Variants in MED28 observed in about 807,000 individuals in gnomAD.
MED28 encodes mediator complex subunit 28.
In MED28, 26 loss-of-function variants were observed where a neutral mutation model predicts 21.3. That is an observed-to-expected ratio of 1.22 (90% CI 0.89 to 1.69). The LOEUF (loss-of-function observed/expected upper bound fraction) is 1.69, where lower values mean the gene tolerates loss of function less well. MED28 is among the 40% of genes most tolerant of loss of function. The probability of loss-of-function intolerance (pLI) is 0.00; values close to 1 mark genes in which losing one functional copy is unlikely to be tolerated. For synonymous variants in MED28, 110 were observed against 87.6 expected (o/e 1.26, Z -1.43); for missense variants, 257 against 215.4 (o/e 1.19, Z -1.21).
At chr4:17,615,147 C>A (rs980834959) in intron 1 of MED28, among the ~76,000 whole-genome samples, 1 of 152,218 alleles carries the variant, frequency 6.6e-6, no homozygotes, top group Non-Finnish European at 1.5e-5. Flanking sequence ...AGGCTCAAGC[C>A]TTTTCGGAGC....
At position 17,633,956 on chromosome 4, in the gene MED28, G is replaced by A; in HGVS notation, c.*10158G>A. The A allele has an allele frequency of 8.3e-7, 1 of 1,210,168 alleles. No homozygotes were observed. Among genetic ancestry groups the A allele is most frequent in the Non-Finnish European group, 1.1e-6 (1 of 917,174 alleles). The allele number at this position is 1,210,168 out of a possible 1,614,324, so 75.0% of individuals were successfully genotyped here. ...AACAAAATAAAGCATTATTGTAAAA[G>A]CAAATAATGCTCACCCAATCAAAAT... On this transcript the variant is annotated 3_prime_UTR_variant, in exon 4 of 4. Transcript: ENST00000237380.
rs913286357 is a variant in MED28 at position 17,625,258 on chromosome 4, A to C, written c.*1460A>C. 1 of 156,118 alleles carries C rather than the reference A, an allele frequency of 6.4e-6. No homozygotes were observed. The highest frequency in any genetic ancestry group is 2.4e-5 in the African/African-American group (1 of 41,464). The allele number at this position is 156,118 out of a possible 1,614,324, so 9.7% of individuals were successfully genotyped here. ...CATTATTCTCCTTAAATATATAAGG[A>C]CCATATAATCTGTATCTTTTTGGTG... On this transcript the variant is annotated 3_prime_UTR_variant, in exon 4 of 4. Transcript: ENST00000237380.
intron 1 of MED28, among the ~76,000 whole-genome samples, chr4:17,619,510 T>TTTAGAA (rs1714555670): frequency 6.6e-6 from 1 of 152,130 alleles, no homozygotes; most frequent in Admixed American, 6.5e-5. Context: ...TTAGAAAGGG[T>TTTAGAA]AGACCGGCTG....
intron 3 of MED28, among the ~76,000 whole-genome samples, chr4:17,622,511 A>ATTT (rs1714665968): frequency 6.6e-6 from 1 of 152,222 alleles, no homozygotes; most frequent in Admixed American, 6.5e-5. Flanking sequence ...GCTGTTCTTA[A>ATTT]AAAGCTCTTG....
intron 1 of MED28, 32 bp downstream of exon 1, chr4:17,614,845 G>A: frequency 6.4e-7 from 1 of 1,558,032 alleles, no homozygotes; most frequent in Middle Eastern, 1.7e-4. Context: ...TTTGTCCCTA[G>A]CCTTCCCTTT....
In MED28 at chr4:17,633,378, T is replaced by G; in HGVS notation, c.*9580T>G. Reference sequence around the variant, plus strand: ...TTAGTCTCACGTCAGTCTGATGAGATAGGTGCTGTATTATCTTAATTTTAA... The same window carrying G: ...TTAGTCTCACGTCAGTCTGATGAGAGAGGTGCTGTATTATCTTAATTTTAA... On this transcript the variant is annotated 3_prime_UTR_variant, in exon 4 of 4. Coordinates refer to ENST00000237380, the MANE Select transcript of MED28 (RefSeq NM_025205.5). 1 of 222,408 alleles carries G rather than the reference T, an allele frequency of 4.5e-6. No homozygotes were observed. The highest frequency in any genetic ancestry group is 9.8e-5 in the East Asian group (1 of 10,162). 13.8% of individuals were successfully genotyped at this position (222,408 alleles called of 1,614,324 possible).
In MED28 at chr4:17,629,838, A is replaced by G. The variant is rs1284500273; in HGVS notation, c.*6040A>G. ...GTGTTAGGGCACAGTAGGTTCATTT[A>G]CTGCTGGTAAGGGTGTAAATTGTTA... is the stretch of plus-strand genomic sequence containing the variant. On this transcript the variant is annotated 3_prime_UTR_variant, in exon 4 of 4. Transcript: ENST00000237380. 6.6e-6 allele frequency: 1 copy of G among 152,180 alleles called. No homozygotes were observed. The highest frequency in any genetic ancestry group is 1.5e-5 in the Non-Finnish European group (1 of 68,034). 9.4% of individuals were successfully genotyped at this position (152,180 alleles called of 1,614,324 possible).
rs553161440 is a variant in MED28, at chr4:17,625,927, C to T, written c.*2129C>T. The T allele has an allele frequency of 1.2e-4, 23 of 186,118 alleles. 1 individual carries two copies. The South Asian group carries it at 2.0e-3, about 17-fold the overall frequency. The allele number at this position is 186,118 out of a possible 1,614,324, so 11.5% of individuals were successfully genotyped here. On this transcript the variant is annotated 3_prime_UTR_variant, in exon 4 of 4. Transcript: ENST00000237380. Reference sequence around the variant, plus strand: ...TTCAACTTTGAAACAAACATCTGTGCCACACACATTTTGTAAATGATCCCA... The same window carrying T: ...TTCAACTTTGAAACAAACATCTGTGTCACACACATTTTGTAAATGATCCCA...
chr4:17,616,073 G>C (rs1323747494), intron 1 of MED28, among the ~76,000 whole-genome samples: 1 of 151,980 alleles, frequency 6.6e-6, no homozygotes, highest in Non-Finnish European at 1.5e-5. Flanking sequence ...CGATTTTCCT[G>C]CCTCAGCCTC....
Position 17,621,570 on chromosome 4 carries a change from G to T in MED28, c.227-17G>T. The T allele has an allele frequency of 6.8e-7, 1 of 1,479,674 alleles. No homozygotes were observed. The highest frequency in any genetic ancestry group is 9.1e-7 in the Non-Finnish European group (1 of 1,093,684). The allele number at this position is 1,479,674 out of a possible 1,614,324, so 91.7% of individuals were successfully genotyped here. A position where few individuals can be genotyped will look rare whatever the true frequency, so the allele number is the denominator to read the frequency against. ...TTGTTTTTCTTATTTTAATAATTTT[G>T]TTCCTTTTTTTTTAAGGTGTTGATC... On this transcript the variant is annotated splice_polypyrimidine_tract_variant and intron_variant, in intron 2 of 3. Transcript: ENST00000237380.
chr4:17,621,692 T>C lies in MED28; in HGVS notation c.332T>C (p.Ile111Thr). ...QLSVQKPEQV[I>T]KEDVSELRNE... ...TCTGTCCAGAAACCAGAGCAAGTTA[T>C]CAAAGAGGTATGAACTCAGTTTTCT... Residue 111 changes from isoleucine to threonine, a missense_variant, in exon 3 of 4, where the codon ATC (isoleucine) becomes ACC (threonine). Ile to Thr is a moderately conservative substitution (Grantham distance 89). Transcript: ENST00000237380. 6.2e-7 allele frequency: 1 copy of C among 1,606,234 alleles called. No homozygotes were observed. Among genetic ancestry groups the C allele is most frequent in the Non-Finnish European group, 8.5e-7 (1 of 1,176,094 alleles).
At position 17,630,607 on chromosome 4, in the gene MED28, AAGACACTCT is replaced by A. The variant is rs1472376579; in HGVS notation, c.*6811_*6819del. 9 of 152,238 alleles carry A rather than the reference AAGACACTCT, an allele frequency of 5.9e-5. No individual in the cohort carries two copies. The highest frequency in any genetic ancestry group is 1.2e-4 in the Non-Finnish European group (8 of 68,046). The allele number at this position is 152,238 out of a possible 1,614,324, so 9.4% of individuals were successfully genotyped here. On this transcript the variant is annotated 3_prime_UTR_variant, in exon 4 of 4. Coordinates refer to ENST00000237380, the MANE Select transcript of MED28 (RefSeq NM_025205.5). ...TTTGTTAGAGCAGCCTGAACGAACT[AAGACACTCT>A]AAGCGGGAAACTCACAAAAAATATT...
Position 17,626,091 on chromosome 4 carries a change from G to GC in MED28, c.*2295dup, listed in dbSNP as rs1714764820. 6.5e-6 allele frequency: 1 copy of GC among 154,864 alleles called. No homozygotes were observed. Among genetic ancestry groups the GC allele is most frequent in the African/African-American group, 2.4e-5 (1 of 41,490 alleles). The allele number at this position is 154,864 out of a possible 1,614,324, so 9.6% of individuals were successfully genotyped here. On this transcript the variant is annotated 3_prime_UTR_variant, in exon 4 of 4. Transcript: ENST00000237380. ...TCTGCAGATTAAAGGAGATGTTGAG[G>GC]CCAGGTGCAGTGGCTCACGCCTGTA...
At chr4:17,621,033 T>TTTTTG (rs1714613569) in intron 2 of MED28, among the ~76,000 whole-genome samples, 2 of 149,748 alleles carry the variant, frequency 1.3e-5, no homozygotes, top group Admixed American at 6.7e-5. Flanking sequence ...TTTTTTTTTT[T>TTTTTG]GAGACGGAGT....
At chr4:17,616,586 A>G (rs770430483) in intron 1 of MED28, among the ~76,000 whole-genome samples, 9 of 152,204 alleles carry the variant, frequency 5.9e-5, no homozygotes, top group Non-Finnish European at 8.8e-5. Context: ...CAGCCACACA[A>G]GACTTTCCCA....
At chr4:17,618,008 C>CTTTTTT (rs1714502662) in intron 1 of MED28, among the ~76,000 whole-genome samples, 1 of 106,590 alleles carries the variant, frequency 9.4e-6, no homozygotes. Flanking sequence ...TTTTTCTTTT[C>CTTTTTT]TTTTCTTTTT....
rs770765197 is a variant in MED28, at chr4:17,633,844, C to T, written c.*10046C>T. The stretch of plus-strand genomic sequence containing the variant: ...AGTTCTTTGCATAGGAGGCGAGGTT[C>T]GGCACGCTGACCACGCGGCTGGGCA... On this transcript the variant is annotated 3_prime_UTR_variant, in exon 4 of 4. Coordinates refer to ENST00000237380, the MANE Select transcript of MED28 (RefSeq NM_025205.5). The T allele has an allele frequency of 3.0e-5, 47 of 1,551,270 alleles. 2 individuals are homozygous for T. Among genetic ancestry groups the T allele is most frequent in the Admixed American group, 2.7e-4 (14 of 50,956 alleles).
rs1287872655 is a variant in MED28, at chr4:17,633,596, G to A, written c.*9798G>A. 1.3e-5 allele frequency: 15 copies of A among 1,195,938 alleles called. No individual in the cohort carries two copies. Among genetic ancestry groups the A allele is most frequent in the East Asian group, 2.9e-5 (1 of 34,350 alleles). 74.1% of individuals were successfully genotyped at this position (1,195,938 alleles called of 1,614,324 possible). ...AATCATCCATGAAAAAAGGCCTTCT[G>A]GAATTTGGTACCAGGTGCTAGAAAG... On this transcript the variant is annotated 3_prime_UTR_variant, in exon 4 of 4. Transcript: ENST00000237380.
chr4:17,621,365 CTCTT>C (rs747934620), intron 2 of MED28, among the ~76,000 whole-genome samples: 14 of 151,980 alleles, frequency 9.2e-5, no homozygotes, highest in East Asian at 3.9e-4. Flanking sequence ...TAATATCTCT[CTCTT>C]TTTTTTTTTA....
Sources: gnomAD v4.1 joint callset for allele counts (sites outside exome capture counted in the v4.1 genomes callset) on GRCh38, gnomAD v4.1.1 for gene constraint, MANE v1.5 for transcripts, NCBI Gene and HGNC (gene_info 2026-07-23, HGNC 2026-07-21) for gene names.